FREM1: variants seen among roughly 807,000 people sequenced by gnomAD.
FREM1 encodes the protein FRAS1 related extracellular matrix 1.
In FREM1, 220 loss-of-function variants were observed where a neutral mutation model predicts 210.1. That is an observed-to-expected ratio of 1.05 (90% CI 0.94 to 1.17). The LOEUF (loss-of-function observed/expected upper bound fraction) is 1.17. Among genes scored for constraint, FREM1 ranks in the 50% most tolerant of loss-of-function variants. The pLI, the probability that FREM1 is intolerant of heterozygous loss-of-function variation, is 0.00. For missense variants in FREM1, 3,454 were observed against 2,675.5 expected (o/e 1.29, Z -6.42); for synonymous variants, 1,189 against 980.2 (o/e 1.21, Z -3.98).
In FREM1 at chr9:14,868,950, T is replaced by A. The variant is rs369146694; in HGVS notation, c.28A>T (p.Asn10Tyr). 2.5e-6 allele frequency: 4 copies of A among 1,593,322 alleles called. No homozygotes were observed. The highest frequency in any genetic ancestry group is 3.4e-6 in the Non-Finnish European group (4 of 1,172,096). Residue 10 changes from asparagine (N) to tyrosine (Y), a missense_variant, in exon 2 of 37, where the codon AAT (asparagine) becomes TAT (tyrosine). By Grantham distance (143) the Asn-to-Tyr change is moderately radical. Transcript: ENST00000380880. ...AGGAGGAGCAGCAGCAGCACGGCATTCGCAGCCCCCCAACTCAGAGAGTTC... is the reference window on the plus strand; with the variant it reads ...AGGAGGAGCAGCAGCAGCACGGCATACGCAGCCCCCCAACTCAGAGAGTTC... MNSLSWGAANAVLLLLLLAW... is the reference protein window; with the variant it reads MNSLSWGAAYAVLLLLLLAW...
chr9:14,882,505 G>A (rs1256764488), intron 1 of FREM1, among the ~76,000 whole-genome samples: 1 of 148,626 alleles, frequency 6.7e-6, no homozygotes, highest in East Asian at 2.0e-4. Flanking sequence ...CTGTCACCCA[G>A]GCTGCAGTGC....
chr9:14,898,144 T>C (rs7044651), intron 1 of FREM1, among the ~76,000 whole-genome samples: 104,696 of 152,118 alleles, frequency 0.69, 37,326 homozygotes, highest in Non-Finnish European at 0.79. Flanking sequence ...ACCAGACCTG[T>C]GCACCTATCT....
At chr9:14,821,597 G>T (rs147172538) in intron 13 of FREM1, among the ~76,000 whole-genome samples, 2 of 152,198 alleles carry the variant, frequency 1.3e-5, no homozygotes, top group Non-Finnish European at 2.9e-5. Context: ...AATATGATCT[G>T]GTCCCTGATA....
Position 14,812,900 on chromosome 9 carries a change from C to T in FREM1, c.2805G>A (p.Gln935=), listed in dbSNP as rs759613112. The T allele has an allele frequency of 2.5e-6, 4 of 1,613,738 alleles. No homozygotes were observed. In the Admixed American group the frequency reaches 6.7e-5, roughly 27 times the overall value. Residue 935 remains glutamine (Q), a synonymous_variant, in exon 16 of 37, where the codon CAG becomes CAA. Transcript: ENST00000380880. ...KLMFVIAREP[Q]HGVVRRAGVT... ...CTCCAGCTCTCCTCACCACCCCATGCTGAGGTTCGCGAGCAATCACAAACA... is the reference window on the plus strand; with the variant it reads ...CTCCAGCTCTCCTCACCACCCCATGTTGAGGTTCGCGAGCAATCACAAACA...
chr9:14,855,753 C>T (rs1043042811), intron 5 of FREM1, among the ~76,000 whole-genome samples: 1 of 149,346 alleles, frequency 6.7e-6, no homozygotes, highest in Non-Finnish European at 1.5e-5. Context: ...TAATGATAAA[C>T]AAAGCAAGAA....
intron 1 of FREM1, among the ~76,000 whole-genome samples, chr9:14,902,398 G>T (rs1013280795): frequency 1.3e-5 from 2 of 152,156 alleles, no homozygotes; most frequent in African/African-American, 4.8e-5. Context: ...GGATATGCAA[G>T]GACCCCAGAG....
intron 25 of FREM1, among the ~76,000 whole-genome samples, chr9:14,772,004 A>T (rs1294580982): frequency 6.6e-6 from 1 of 152,016 alleles, no homozygotes; most frequent in East Asian, 1.9e-4. Flanking sequence ...AAATGTGTTC[A>T]TTTCTTTTGG....
intron 20 of FREM1, among the ~76,000 whole-genome samples, chr9:14,800,152 A>C (rs183717474): frequency 3.9e-5 from 6 of 152,286 alleles, no homozygotes; most frequent in Admixed American, 3.9e-4. Context: ...GGGGAAACAA[A>C]TAACTAAAAG....
intron 26 of FREM1, among the ~76,000 whole-genome samples, chr9:14,770,321 G>T (rs1307605700): frequency 6.6e-6 from 1 of 152,028 alleles, no homozygotes; most frequent in East Asian, 1.9e-4. Context: ...TAGGAAATTT[G>T]GTCCTGATAT....
chr9:14,868,896 T>C lies in FREM1; in HGVS notation c.82A>G (p.Ile28Val). 1.9e-6 allele frequency: 3 copies of C among 1,606,958 alleles called. No homozygotes were observed. Among genetic ancestry groups the C allele is most frequent in the Non-Finnish European group, 2.5e-6 (3 of 1,176,890 alleles). ...TTCATCACCCTCACCCCGCGGTTGATGCTGATGAAGGTGGGGCTGGCCCAG... is the reference window on the plus strand; with the variant it reads ...TTCATCACCCTCACCCCGCGGTTGACGCTGATGAAGGTGGGGCTGGCCCAG... ...LAWASPTFIS[I>V]NRGVRVMKGH... The change falls in exon 2 of 37, where the codon ATC (isoleucine) becomes GTC (valine). Residue 28 changes from isoleucine to valine, a missense_variant. Coordinates refer to ENST00000380880, the MANE Select transcript of FREM1 (RefSeq NM_001379081.2).
chr9:14,874,579 T>C (rs1210209038), intron 1 of FREM1, among the ~76,000 whole-genome samples: 1 of 151,150 alleles, frequency 6.6e-6, no homozygotes, highest in East Asian at 1.9e-4. Context: ...ATGAGATGGG[T>C]TTCCTGAATA....
intron 1 of FREM1, among the ~76,000 whole-genome samples, chr9:14,905,474 A>T (rs1181258755): frequency 1.3e-5 from 2 of 152,238 alleles, no homozygotes; most frequent in Non-Finnish European, 2.9e-5. Flanking sequence ...TAAAACACCT[A>T]TATGAGGAGA....
At chr9:14,882,831 T>A (rs1028474221) in intron 1 of FREM1, among the ~76,000 whole-genome samples, 1 of 140,010 alleles carries the variant, frequency 7.1e-6, no homozygotes, top group Non-Finnish European at 1.5e-5. Context: ...GAGAATCGCC[T>A]GAACCTGGGA....
chr9:14,818,728 T>C (rs1441902947), intron 14 of FREM1, among the ~76,000 whole-genome samples: 1 of 152,174 alleles, frequency 6.6e-6, no homozygotes, highest in East Asian at 1.9e-4. Flanking sequence ...CAAGTATTAG[T>C]TTACGCCCTG....
intron 25 of FREM1, among the ~76,000 whole-genome samples, chr9:14,771,481 C>A (rs1473076707): frequency 6.6e-6 from 1 of 152,172 alleles, no homozygotes. Flanking sequence ...GACATCTTCA[C>A]AACCTACACT....
chr9:14,781,755 G>C (rs1171423715), intron 24 of FREM1, among the ~76,000 whole-genome samples: 1 of 152,188 alleles, frequency 6.6e-6, no homozygotes. Flanking sequence ...CCAGGCTGGA[G>C]TGTAGTGGCA....
intron 27 of FREM1, among the ~76,000 whole-genome samples, chr9:14,766,449 G>T (rs1453841823): frequency 6.6e-6 from 1 of 152,136 alleles, no homozygotes; most frequent in Non-Finnish European, 1.5e-5. Context: ...ATTTCTGAGA[G>T]ATTCCCAATC....
At chr9:14,875,479 C>T (rs758312045) in intron 1 of FREM1, among the ~76,000 whole-genome samples, 1 of 152,234 alleles carries the variant, frequency 6.6e-6, no homozygotes, top group Non-Finnish European at 1.5e-5. Flanking sequence ...GCTCCTGAGG[C>T]TTCTGCATTC....
At chr9:14,907,095 C>A (rs989797059) in intron 1 of FREM1, among the ~76,000 whole-genome samples, 3 of 152,166 alleles carry the variant, frequency 2.0e-5, no homozygotes, top group African/African-American at 7.2e-5. Flanking sequence ...TAAAAACTTA[C>A]CCATGAGAGG....
Sources: gnomAD v4.1 joint callset for allele counts (sites outside exome capture counted in the v4.1 genomes callset) on GRCh38, gnomAD v4.1.1 for gene constraint, MANE v1.5 for transcripts, NCBI Gene and HGNC (gene_info 2026-07-23, HGNC 2026-07-21) for gene names.